NAV2: variants seen among roughly 807,000 people sequenced by gnomAD.
NAV2 encodes the protein helicase, APC down-regulated 1.
A neutral mutation model predicts 223.2 loss-of-function variants in NAV2; 54 were observed. The ratio of observed to expected loss-of-function variants is 0.24; its 90% confidence interval spans 0.19 to 0.30. The LOEUF (loss-of-function observed/expected upper bound fraction) is 0.30. Among genes scored for constraint, NAV2 ranks in the 10% least tolerant of loss-of-function variants. The pLI, the probability that NAV2 is intolerant of heterozygous loss-of-function variation, is 1.00. For synonymous variants in NAV2, 1,279 were observed against 1,239.3 expected (o/e 1.03, Z -0.67); for missense variants, 2,806 against 3,147.5 (o/e 0.89, Z 2.60).
chr11:19,927,193 G>A (rs921081814), intron 6 of NAV2, among the ~76,000 whole-genome samples: 8 of 152,180 alleles, frequency 5.3e-5, no homozygotes, highest in Admixed American at 1.3e-4. Flanking sequence ...CCTTCTTACA[G>A]TGGTTTGTCA....
chr11:19,746,902 A>G (rs1367529833), intron 1 of NAV2, among the ~76,000 whole-genome samples: 1 of 151,874 alleles, frequency 6.6e-6, no homozygotes, highest in African/African-American at 2.4e-5. Context: ...TAATTTTATT[A>G]TTACTATACT....
At chr11:19,524,593 G>A (rs2043785551) in intron 1 of NAV2, among the ~76,000 whole-genome samples, 1 of 152,202 alleles carries the variant, frequency 6.6e-6, no homozygotes, top group Admixed American at 6.5e-5. Flanking sequence ...TGCCGGCTAT[G>A]GAGACAGTGA....
At chr11:19,402,050 C>G (rs1412159869) in intron 1 of NAV2, 1 of 152,180 alleles carries the variant, frequency 6.6e-6, no homozygotes, top group Admixed American at 6.5e-5. Flanking sequence ...ACATTGGACT[C>G]TGATCTAGTC....
chr11:19,387,625 G>T (rs1849093430), intron 1 of NAV2, among the ~76,000 whole-genome samples: 1 of 152,178 alleles, frequency 6.6e-6, no homozygotes, highest in African/African-American at 2.4e-5. Context: ...CCAGGTCGCA[G>T]GCAGCACTGG....
At chr11:19,997,879 C>T (rs1198745431) in intron 11 of NAV2, among the ~76,000 whole-genome samples, 2 of 152,066 alleles carry the variant, frequency 1.3e-5, no homozygotes, top group African/African-American at 4.8e-5. Context: ...TGGCTATAGC[C>T]CTGCCTTCCA....
intron 9 of NAV2, among the ~76,000 whole-genome samples, chr11:19,948,125 C>G (rs540703067): frequency 0.019 from 2,870 of 151,544 alleles, 35 homozygotes; most frequent in Non-Finnish European, 0.027. Flanking sequence ...CACTCTCTGT[C>G]GGCAGGCTGG....
intron 10 of NAV2, among the ~76,000 whole-genome samples, chr11:19,982,295 TCTCA>T (rs1444642158): frequency 6.6e-6 from 1 of 152,020 alleles, no homozygotes; most frequent in Non-Finnish European, 1.5e-5. Context: ...TGAGACGGAA[TCTCA>T]CTCTGTCGCC....
intron 11 of NAV2, among the ~76,000 whole-genome samples, chr11:20,013,693 C>G (rs1044316463): frequency 1.3e-5 from 2 of 152,146 alleles, no homozygotes; most frequent in African/African-American, 2.4e-5. Flanking sequence ...ATACAATGCC[C>G]GGTCCCTAGA....
In NAV2 at chr11:20,044,127, G is replaced by T. The variant is rs3802799; in HGVS notation, c.3054G>T (p.Glu1018Asp). ...GGAATCCTTCTGATGTGTCTGACGA[G>T]TCCGACAAAAGCACGTCGGGCAAGA... The part of the protein sequence containing the change: ...WRRNPSDVSD[E>D]SDKSTSGKKN... The change falls in exon 13 of 38, where the codon GAG (glutamate) becomes GAT (aspartate). Residue 1018 changes from glutamate to aspartate, a missense_variant. By Grantham distance (45) the Glu-to-Asp change is conservative. Coordinates refer to ENST00000349880, the MANE Select transcript of NAV2 (RefSeq NM_145117.5). The T allele has an allele frequency of 0.21, 345,746 of 1,613,982 alleles. 43,890 individuals carry two copies. Among genetic ancestry groups the T allele is most frequent in the East Asian group, 0.47 (21,273 of 44,852 alleles).
At chr11:19,720,759 A>G (rs976919522) in intron 1 of NAV2, among the ~76,000 whole-genome samples, 1 of 152,220 alleles carries the variant, frequency 6.6e-6, no homozygotes, top group Non-Finnish European at 1.5e-5. Flanking sequence ...ACAACATCCC[A>G]TGAGGTAGAT....
At chr11:19,450,768 A>C (rs541000920) in intron 1 of NAV2, among the ~76,000 whole-genome samples, 257 of 152,230 alleles carry the variant, frequency 1.7e-3, no homozygotes, top group African/African-American at 6.0e-3. Flanking sequence ...TTTGGCAGGG[A>C]CGCGTTTGTG....
At chr11:20,097,218 G>A (rs763322003) in intron 30 of NAV2, among the ~76,000 whole-genome samples, 5 of 152,104 alleles carry the variant, frequency 3.3e-5, no homozygotes, top group African/African-American at 7.2e-5. Context: ...TTACTTTTTC[G>A]TGAATTTTCC....
At chr11:20,070,763 T>C (rs1348681907) in intron 22 of NAV2, among the ~76,000 whole-genome samples, 1 of 152,088 alleles carries the variant, frequency 6.6e-6, no homozygotes, top group Non-Finnish European at 1.5e-5. Context: ...GAGTAGGCTG[T>C]TGTGTGTGGC....
intron 11 of NAV2, among the ~76,000 whole-genome samples, chr11:20,006,218 A>C (rs1360722427): frequency 6.6e-6 from 1 of 152,146 alleles, no homozygotes; most frequent in Non-Finnish European, 1.5e-5. Context: ...CATAGGGATC[A>C]TTAGGGTTTG....
intron 1 of NAV2, among the ~76,000 whole-genome samples, chr11:19,535,781 C>T (rs2044169088): frequency 6.6e-6 from 1 of 152,150 alleles, no homozygotes; most frequent in Non-Finnish European, 1.5e-5. Flanking sequence ...TCAATTAACG[C>T]CCAACAGCGT....
chr11:20,059,940 A>G (rs758842223), intron 19 of NAV2, among the ~76,000 whole-genome samples: 1 of 152,226 alleles, frequency 6.6e-6, no homozygotes, highest in African/African-American at 2.4e-5. Context: ...CCGAACTGCA[A>G]TGGTTCAGGT....
chr11:19,403,383 C>T (rs910493754), intron 1 of NAV2, among the ~76,000 whole-genome samples: 30 of 152,080 alleles, frequency 2.0e-4, no homozygotes, highest in East Asian at 5.8e-4. Flanking sequence ...GGCATAGAAC[C>T]GGCACTCTTG....
intron 1 of NAV2, among the ~76,000 whole-genome samples, chr11:19,485,996 T>C (rs2042432468): frequency 6.6e-6 from 1 of 152,158 alleles, no homozygotes; most frequent in South Asian, 2.1e-4. Context: ...ACCCTCCACC[T>C]GATGCCAGCA....
intron 1 of NAV2, among the ~76,000 whole-genome samples, chr11:19,751,740 T>C (rs1468179533): frequency 1.3e-5 from 2 of 152,238 alleles, no homozygotes; most frequent in Non-Finnish European, 2.9e-5. Context: ...TTGCTTTTTG[T>C]CCTTCTCTTT....
Sources: gnomAD v4.1 joint callset for allele counts (sites outside exome capture counted in the v4.1 genomes callset) on GRCh38, gnomAD v4.1.1 for gene constraint, MANE v1.5 for transcripts, NCBI Gene and HGNC (gene_info 2026-07-23, HGNC 2026-07-21) for gene names.